EPB41L4A: variants seen among roughly 807,000 people sequenced by gnomAD.
EPB41L4A encodes erythrocyte membrane protein band 4.1 like 4A.
A neutral mutation model predicts 108.6 loss-of-function variants in EPB41L4A; 100 were observed. The ratio of observed to expected loss-of-function variants is 0.92; its 90% CI spans 0.78 to 1.09. The LOEUF (loss-of-function observed/expected upper bound fraction) is 1.09, where lower values mean the gene tolerates loss of function less well. Ranked by LOEUF, EPB41L4A falls within the 50% of genes least tolerant of loss-of-function variation. The pLI, the probability that EPB41L4A is intolerant of heterozygous loss-of-function variation, is 0.00. For synonymous variants in EPB41L4A, 319 were observed against 289.0 expected (o/e 1.10, Z -1.05); for missense variants, 1,030 against 842.7 (o/e 1.22, Z -2.75).
intron 9 of EPB41L4A, among the ~76,000 whole-genome samples, chr5:112,254,588 T>A (rs114587923): frequency 6.6e-6 from 1 of 152,094 alleles, no homozygotes; most frequent in Non-Finnish European, 1.5e-5. Context: ...GGCCCTCCCC[T>A]AAGAAGAGTC....
At chr5:112,344,398 G>C (rs916677649) in intron 1 of EPB41L4A, among the ~76,000 whole-genome samples, 4 of 152,190 alleles carry the variant, frequency 2.6e-5, no homozygotes, top group African/African-American at 9.7e-5. Flanking sequence ...AAATAAAATA[G>C]GAATGAGAGA....
intron 9 of EPB41L4A, among the ~76,000 whole-genome samples, chr5:112,241,225 C>T (rs571245914): frequency 1.2e-4 from 18 of 152,078 alleles, no homozygotes; most frequent in Non-Finnish European, 2.4e-4. Context: ...ACAAGTCACA[C>T]ATAAAGCAAT....
chr5:112,380,906 C>G (rs1760136340), intron 1 of EPB41L4A, among the ~76,000 whole-genome samples: 1 of 152,052 alleles, frequency 6.6e-6, no homozygotes. Context: ...CCATCCCCCA[C>G]CAGACCATTC....
At chr5:112,193,503 G>A (rs1482354637) in intron 17 of EPB41L4A, among the ~76,000 whole-genome samples, 10 of 152,276 alleles carry the variant, frequency 6.6e-5, no homozygotes, top group Admixed American at 2.0e-4. Flanking sequence ...GTTTCTCCAT[G>A]TTGGTCAGGC....
intron 1 of EPB41L4A, among the ~76,000 whole-genome samples, chr5:112,394,334 G>C (rs1381635130): frequency 6.6e-6 from 1 of 152,154 alleles, no homozygotes; most frequent in Non-Finnish European, 1.5e-5. Flanking sequence ...TGTATATTTA[G>C]AAAACACCAT....
chr5:112,292,686 A>T (rs917029312), intron 2 of EPB41L4A, among the ~76,000 whole-genome samples: 1 of 152,202 alleles, frequency 6.6e-6, no homozygotes, highest in Non-Finnish European at 1.5e-5. Flanking sequence ...TTAGTAGGCT[A>T]CTGACACATC....
At chr5:112,365,597 G>A (rs964135023) in intron 1 of EPB41L4A, among the ~76,000 whole-genome samples, 2 of 152,076 alleles carry the variant, frequency 1.3e-5, no homozygotes, top group Non-Finnish European at 2.9e-5. Context: ...ACATTACCAT[G>A]GTACGTTTGT....
At chr5:112,318,038 C>A (rs955147395) in intron 1 of EPB41L4A, among the ~76,000 whole-genome samples, 9 of 152,224 alleles carry the variant, frequency 5.9e-5, no homozygotes, top group Non-Finnish European at 1.2e-4. Context: ...TCTTAGATAC[C>A]TGGAAAGCCA....
intron 12 of EPB41L4A, among the ~76,000 whole-genome samples, chr5:112,215,719 C>T (rs1054827282): frequency 4.8e-5 from 7 of 145,872 alleles, no homozygotes; most frequent in South Asian, 2.2e-4. Flanking sequence ...GCAGAGATCG[C>T]GCCACTGCAT....
intron 11 of EPB41L4A, among the ~76,000 whole-genome samples, chr5:112,235,380 CATGTGATTTAGTTTG>C (rs1259968138): frequency 4.6e-5 from 7 of 152,226 alleles, no homozygotes; most frequent in African/African-American, 7.2e-5. Context: ...CCCAAGGAAT[CATGTGATTTAGTTTG>C]CTGGATTTCA....
chr5:112,326,680 T>G (rs1285964572), intron 1 of EPB41L4A, among the ~76,000 whole-genome samples: 4 of 152,232 alleles, frequency 2.6e-5, no homozygotes, highest in Non-Finnish European at 5.9e-5. Flanking sequence ...CAGTTCACAC[T>G]GCAAAATGCC....
At chr5:112,362,721 G>A (rs778800092) in intron 1 of EPB41L4A, among the ~76,000 whole-genome samples, 10 of 152,164 alleles carry the variant, frequency 6.6e-5, no homozygotes, top group Non-Finnish European at 1.5e-4. Context: ...CCAAACTGAA[G>A]TTCTCTAAAG....
At chr5:112,246,977 C>T (rs146425924) in intron 9 of EPB41L4A, among the ~76,000 whole-genome samples, 38 of 152,312 alleles carry the variant, frequency 2.5e-4, no homozygotes, top group African/African-American at 8.7e-4. Flanking sequence ...AAATAAATCT[C>T]CTAAAATGAT....
intron 1 of EPB41L4A, among the ~76,000 whole-genome samples, chr5:112,339,536 A>ATAGATATC (rs373195649): frequency 8.4e-5 from 9 of 106,822 alleles, no homozygotes; most frequent in South Asian, 5.5e-4. Context: ...ATCTATATAT[A>ATAGATATC]TATATATTTT....
chr5:112,220,099 T>A (rs1333895746), intron 12 of EPB41L4A, among the ~76,000 whole-genome samples: 1 of 152,202 alleles, frequency 6.6e-6, no homozygotes, highest in Admixed American at 6.5e-5. Context: ...AATGAAACAG[T>A]TTAGCAACAA....
chr5:112,237,082 C>T (rs1315555064), intron 11 of EPB41L4A, among the ~76,000 whole-genome samples: 1 of 152,132 alleles, frequency 6.6e-6, no homozygotes, highest in Admixed American at 6.5e-5. Flanking sequence ...CTACACAACT[C>T]ATTAATCAAA....
chr5:112,204,460 T>G lies in EPB41L4A; in HGVS notation c.1291A>C (p.Thr431Pro), dbSNP rs373715149. ...SGLYNSPSDR[T>P]KSPKFPYTRR... ...GTGTAAGGGAACTTTGGCGACTTAG[T>G]GCGATCACTGGGAGAATTGTAGAGT... The change falls in exon 15 of 23, where the codon ACT (threonine) becomes CCT (proline). Residue 431 changes from threonine to proline, a missense_variant. Transcript: ENST00000261486. 1 of 1,613,538 alleles carries G rather than the reference T, an allele frequency of 6.2e-7. No individual in the cohort carries two copies.
intron 11 of EPB41L4A, among the ~76,000 whole-genome samples, chr5:112,238,823 G>C (rs1198383117): frequency 6.6e-6 from 1 of 152,204 alleles, no homozygotes; most frequent in South Asian, 2.1e-4. Context: ...CACATCACAG[G>C]CTCTCTCCAT....
At chr5:112,179,908 T>C (rs1295111492) in intron 18 of EPB41L4A, among the ~76,000 whole-genome samples, 1 of 152,086 alleles carries the variant, frequency 6.6e-6, no homozygotes, top group East Asian at 1.9e-4. Flanking sequence ...CAGAAAATCG[T>C]AAGAAACTGC....
Sources: gnomAD v4.1 joint callset for allele counts (sites outside exome capture counted in the v4.1 genomes callset) on GRCh38, gnomAD v4.1.1 for gene constraint, MANE v1.5 for transcripts, NCBI Gene and HGNC (gene_info 2026-07-23, HGNC 2026-07-21) for gene names.